Variants in ATP2C2 observed in about 807,000 individuals in gnomAD.
ATP2C2 encodes ATPase secretory pathway Ca2+ transporting 2, also known as calcium-transporting ATPase type 2C member 2.
ATP2C2 carries 171 observed loss-of-function variants against 110.8 expected under a neutral mutation model. That is an observed-to-expected ratio of 1.54 (90% CI 1.36 to 1.75). The LOEUF (loss-of-function observed/expected upper bound fraction) is 1.75, where lower values mean the gene tolerates loss of function less well. Among genes scored for constraint, ATP2C2 ranks in the 40% most tolerant of loss-of-function variants. The pLI, the probability that ATP2C2 is intolerant of heterozygous loss-of-function variation, is 0.00. For missense variants in ATP2C2, 1,963 were observed against 1,235.0 expected, an observed-to-expected ratio of 1.59 and a Z score of -8.84; for synonymous variants, 804 against 508.4, an observed-to-expected ratio of 1.58 and a Z score of -7.82.
intron 21 of ATP2C2, 89 bp downstream of exon 21, chr16:84,455,073 G>GGA: frequency 6.6e-7 from 1 of 1,521,340 alleles, no homozygotes; most frequent in Non-Finnish European, 8.9e-7. Flanking sequence ...GAGATAGAGG[G>GGA]GGGGGTCTCG....
In ATP2C2 at chr16:84,453,227, G is replaced by C. The variant is rs201188924; in HGVS notation, c.1921G>C (p.Val641Leu). The change falls in exon 19 of 27, where the codon GTG becomes CTG. Residue 641 changes from valine to leucine, a missense_variant. Physicochemically the swap from Val to Leu is conservative, Grantham distance 32. Transcript: ENST00000262429. ...SVEKGELADRVGKVSVFFRTS... is the reference protein window; with the variant it reads ...SVEKGELADRLGKVSVFFRTS... ...GGAGAAGGGCGAGCTGGCCGACCGCGTGGGGAAGGTGGGTCCCCGGAGGCT... is the reference window on the plus strand; with the variant it reads ...GGAGAAGGGCGAGCTGGCCGACCGCCTGGGGAAGGTGGGTCCCCGGAGGCT... 8 of 1,614,088 alleles carry C rather than the reference G, an allele frequency of 5.0e-6. No individual in the cohort carries two copies. Among genetic ancestry groups the C allele is most frequent in the Middle Eastern group, 1.6e-4 (1 of 6,062 alleles).
At chr16:84,438,415 A>G (rs1908935792) in intron 11 of ATP2C2, among the ~76,000 whole-genome samples, 1 of 152,164 alleles carries the variant, frequency 6.6e-6, no homozygotes, top group African/African-American at 2.4e-5. Context: ...GCCAAAAGGG[A>G]TAGAAAGAGC....
intron 14 of ATP2C2, 125 bp from the exon 15 acceptor site, chr16:84,442,385 T>C (rs1909344630): frequency 1.9e-5 from 16 of 831,290 alleles, no homozygotes; most frequent in South Asian, 7.2e-5. Context: ...GCCGGGACGC[T>C]GAGTTGTTTT....
Position 84,439,602 on chromosome 16 carries a change from T to C in ATP2C2, c.1209+78T>C, listed in dbSNP as rs905923928. On this transcript the variant is annotated intron_variant, in intron 13 of 26. Transcript: ENST00000262429. ...TCCTTTCTAAACTAAGCACACAATG[T>C]CTTCTAGAACACAATAAGGAAGAAA... 121 of 1,306,670 alleles carry C rather than the reference T, an allele frequency of 9.3e-5. No individual in the cohort carries two copies. The South Asian group carries it at 1.2e-3, about 12-fold the overall frequency. The allele number at this position is 1,306,670 out of a possible 1,614,324, so 80.9% of individuals were successfully genotyped here. A position where few individuals can be genotyped will look rare whatever the true frequency, so the allele number is the denominator to read the frequency against.
At chr16:84,377,849 A>T (rs1333198522) in intron 1 of ATP2C2, among the ~76,000 whole-genome samples, 1 of 152,090 alleles carries the variant, frequency 6.6e-6, no homozygotes, top group African/African-American at 2.4e-5. Flanking sequence ...TTGTGTCTTG[A>T]GGCTGCAGCC....
At chr16:84,417,221 C>G (rs1008901756) in intron 7 of ATP2C2, among the ~76,000 whole-genome samples, 16 of 152,160 alleles carry the variant, frequency 1.1e-4, no homozygotes, top group African/African-American at 3.9e-4. Flanking sequence ...AGAACGGTGC[C>G]TGGCACAGGT....
chr16:84,420,808 G>A (rs186293651), intron 7 of ATP2C2, among the ~76,000 whole-genome samples: 11 of 151,988 alleles, frequency 7.2e-5, no homozygotes, highest in African/African-American at 1.9e-4. Flanking sequence ...TGACAGTTTC[G>A]GTTTTGTTTT....
At chr16:84,406,624 G>A (rs566185723) in intron 3 of ATP2C2, 18 of 985,550 alleles carry the variant, frequency 1.8e-5, no homozygotes, top group African/African-American at 7.0e-5. Context: ...TCATCGATGC[G>A]TTTTGGCAGC....
intron 11 of ATP2C2, among the ~76,000 whole-genome samples, chr16:84,429,144 T>TTTTGTTTG (rs201731171): frequency 1.9e-5 from 2 of 106,126 alleles, no homozygotes; most frequent in African/African-American, 6.8e-5. Flanking sequence ...GCGTTGTTTT[T>TTTTGTTTG]TTTGTTTGTT....
chr16:84,462,228 G>T, intron 26 of ATP2C2, 99 bp downstream of exon 26: 1 of 1,479,368 alleles, frequency 6.8e-7, no homozygotes, highest in South Asian at 1.3e-5. Flanking sequence ...GGTCAGTGCG[G>T]GAAAGCAGAG....
At chr16:84,426,687 G>A (rs887693520) in intron 11 of ATP2C2, among the ~76,000 whole-genome samples, 7 of 152,170 alleles carry the variant, frequency 4.6e-5, no homozygotes, top group African/African-American at 1.7e-4. Flanking sequence ...ATGATACACA[G>A]TGCAGAGTGA....
At chr16:84,461,228 G>A (rs148742413) in intron 24 of ATP2C2, 1 of 258,836 alleles carries the variant, frequency 3.9e-6, no homozygotes, top group African/African-American at 2.2e-5. Flanking sequence ...TCTATGCCAG[G>A]ACGGGCCACG....
intron 23 of ATP2C2, 174 bp downstream of exon 23, chr16:84,459,560 C>T (rs1356526641): frequency 4.6e-6 from 7 of 1,537,390 alleles, no homozygotes; most frequent in East Asian, 2.4e-5. Flanking sequence ...GAGTAGAAGG[C>T]AGAGGAGAAA....
In ATP2C2 at chr16:84,463,964, A is replaced by C. The variant is rs1911664839; in HGVS notation, c.*232A>C. The C allele has an allele frequency of 4.0e-6, 2 of 494,238 alleles. No individual in the cohort carries two copies. Among genetic ancestry groups the C allele is most frequent in the Non-Finnish European group, 3.6e-6 (1 of 275,516 alleles). 30.6% of individuals were successfully genotyped at this position (494,238 alleles called of 1,614,324 possible). A position where few individuals can be genotyped will look rare whatever the true frequency, so the allele number is the denominator to read the frequency against. ...CAGACAGGGAGGGGCCTGTACAGAA[A>C]CACCACACTGTTTATTAAATCACAA... On this transcript the variant is annotated 3_prime_UTR_variant, in exon 27 of 27. Transcript: ENST00000262429.
Position 84,459,119 on chromosome 16 carries a change from G to A in ATP2C2, c.2148-1G>A. 6.2e-7 allele frequency: 1 copy of A among 1,614,126 alleles called. No homozygotes were observed. The highest frequency in any genetic ancestry group is 8.5e-7 in the Non-Finnish European group (1 of 1,180,036). On this transcript the variant is annotated splice_acceptor_variant, in intron 21 of 26. Coordinates refer to ENST00000262429, the MANE Select transcript of ATP2C2 (RefSeq NM_014861.4). LOFTEE classifies it high-confidence loss of function. ...GAGTAAATGGCTCTCTTCTCTTGCA[G>A]GAATGCAGTGGAGGAAGGCAAGGGT... is the stretch of plus-strand genomic sequence containing the variant.
At chr16:84,420,292 G>A (rs1292758398) in intron 7 of ATP2C2, among the ~76,000 whole-genome samples, 2 of 152,008 alleles carry the variant, frequency 1.3e-5, no homozygotes, top group African/African-American at 4.8e-5. Context: ...TATTCCCAGT[G>A]CCCAGAGGAG....
At chr16:84,399,339 T>C (rs1905182588) in intron 2 of ATP2C2, among the ~76,000 whole-genome samples, 1 of 152,040 alleles carries the variant, frequency 6.6e-6, no homozygotes, top group African/African-American at 2.4e-5. Context: ...GAAGTATTTC[T>C]TCTCTGCCTG....
intron 6 of ATP2C2, among the ~76,000 whole-genome samples, chr16:84,412,582 G>A (rs1906473065): frequency 1.3e-5 from 2 of 151,544 alleles, no homozygotes; most frequent in African/African-American, 4.9e-5. Flanking sequence ...GTGTGTGTGT[G>A]GAGATGGGGT....
At chr16:84,435,957 C>G (rs1018967699) in intron 11 of ATP2C2, among the ~76,000 whole-genome samples, 2 of 152,210 alleles carry the variant, frequency 1.3e-5, no homozygotes, top group East Asian at 3.9e-4. Context: ...GGTGAAACCT[C>G]ATCTCTACTA....
Sources: allele counts gnomAD v4.1 joint callset (sites outside exome capture counted in the v4.1 genomes callset), GRCh38; gene constraint gnomAD v4.1.1; transcripts MANE v1.5; gene names NCBI Gene and HGNC (gene_info 2026-07-23, HGNC 2026-07-21).